FAP: variants seen among roughly 807,000 people sequenced by gnomAD.
The protein encoded by FAP is prolyl endopeptidase FAP.
In FAP, 110 loss-of-function variants were observed where a neutral mutation model predicts 126.5. The ratio of observed to expected loss-of-function variants is 0.87; its 90% CI spans 0.74 to 1.02. The LOEUF is 1.02. Ranked by LOEUF, FAP falls within the 50% of genes least tolerant of loss-of-function variation. FAP has a pLI of 0.00. For missense variants in FAP, 919 were observed against 909.2 expected, an observed-to-expected ratio of 1.01 and a Z score of -0.14; for synonymous variants, 334 against 297.3, an observed-to-expected ratio of 1.12 and a Z score of -1.27.
In FAP at chr2:162,189,101, A is replaced by G; in HGVS notation, c.1619+2T>C. On this transcript the variant is annotated splice_donor_variant, in intron 19 of 25. Transcript: ENST00000188790. LOFTEE classifies it high-confidence loss of function. ...TTTTACACCAAAGAAAATATTACATACACTTGAATTAGCAAGGGATACTTC... is the reference window on the plus strand; with the variant it reads ...TTTTACACCAAAGAAAATATTACATGCACTTGAATTAGCAAGGGATACTTC... 1 of 1,563,510 alleles carries G rather than the reference A, an allele frequency of 6.4e-7. No individual in the cohort carries two copies. The highest frequency in any genetic ancestry group is 8.8e-7 in the Non-Finnish European group (1 of 1,139,486).
At chr2:162,226,478 AC>A (rs1689651931) in intron 3 of FAP, 44 bp downstream of exon 3, 2 of 1,054,630 alleles carry the variant, frequency 1.9e-6, no homozygotes, top group Non-Finnish European at 2.8e-6. Context: ...TAAAAACCAA[AC>A]AAAATACATA....
At chr2:162,214,117 T>G (rs1158966675) in intron 10 of FAP, 44 bp from the exon 11 acceptor site, 2 of 1,598,362 alleles carry the variant, frequency 1.3e-6, no homozygotes, top group East Asian at 4.5e-5. Context: ...ATAAACCAGT[T>G]TCACACACAA....
At chr2:162,225,404 T>G (rs1374584571) in intron 4 of FAP, 79 bp downstream of exon 4, 19 of 1,534,158 alleles carry the variant, frequency 1.2e-5, no homozygotes, top group East Asian at 2.4e-5. Flanking sequence ...GATCAGGTGC[T>G]AAGACTTTGA....
At chr2:162,232,094 A>C (rs1252568910) in intron 2 of FAP, among the ~76,000 whole-genome samples, 1 of 152,136 alleles carries the variant, frequency 6.6e-6, no homozygotes, top group Non-Finnish European at 1.5e-5. Flanking sequence ...AAGTATTAGG[A>C]TGGGAAATAT....
chr2:162,183,347 A>G (rs1559763229), intron 21 of FAP, 67 bp downstream of exon 21: 3 of 1,189,422 alleles, frequency 2.5e-6, no homozygotes, highest in Non-Finnish European at 3.7e-6. Flanking sequence ...AACCTTCTAA[A>G]CGAACACTTC....
chr2:162,227,652 G>A (rs1003982786), intron 2 of FAP, among the ~76,000 whole-genome samples: 5 of 152,064 alleles, frequency 3.3e-5, no homozygotes, highest in Non-Finnish European at 5.9e-5. Context: ...TATAAAACTC[G>A]TAGCCCTCCA....
chr2:162,177,987 C>T (rs1687544520), intron 21 of FAP, among the ~76,000 whole-genome samples: 3 of 152,178 alleles, frequency 2.0e-5, no homozygotes, highest in African/African-American at 4.8e-5. Context: ...AGAGCTGGGA[C>T]TCAAACTCAG....
intron 16 of FAP, chr2:162,198,090 T>C (rs910134291): frequency 1.0e-6 from 1 of 955,944 alleles, no homozygotes; most frequent in African/African-American, 1.8e-5. Context: ...GTAGAAATTA[T>C]TCATTAAATG....
At chr2:162,194,360 T>A (rs1289484068) in intron 17 of FAP, among the ~76,000 whole-genome samples, 1 of 151,398 alleles carries the variant, frequency 6.6e-6, no homozygotes, top group African/African-American at 2.4e-5. Flanking sequence ...CCCTAGGGAT[T>A]CTATTTTGGA....
chr2:162,196,862 T>A (rs1159350879), intron 16 of FAP, among the ~76,000 whole-genome samples: 1 of 152,224 alleles, frequency 6.6e-6, no homozygotes, highest in Non-Finnish European at 1.5e-5. Flanking sequence ...GTATATTTTT[T>A]GCTAAATGGG....
At chr2:162,191,866 C>T (rs1576149404) in intron 17 of FAP, among the ~76,000 whole-genome samples, 1 of 152,098 alleles carries the variant, frequency 6.6e-6, no homozygotes, top group African/African-American at 2.4e-5. Context: ...AAATAAACTT[C>T]CCCCTCTTTG....
intron 12 of FAP, among the ~76,000 whole-genome samples, chr2:162,207,825 C>G (rs1447629614): frequency 1.3e-5 from 2 of 151,790 alleles, no homozygotes; most frequent in Admixed American, 6.6e-5. Context: ...ATTCTCTTGC[C>G]TCAGCCTCCT....
At chr2:162,216,451 T>C (rs972424681) in intron 9 of FAP, among the ~76,000 whole-genome samples, 2 of 152,190 alleles carry the variant, frequency 1.3e-5, no homozygotes, top group Non-Finnish European at 2.9e-5. Context: ...TGCCATATGA[T>C]TTGGTCTAGG....
chr2:162,221,534 A>AC, intron 6 of FAP: 1 of 367,200 alleles, frequency 2.7e-6, no homozygotes, highest in African/African-American at 2.1e-5. Flanking sequence ...CAAAAAAAAA[A>AC]ATAAGAAGAC....
intron 2 of FAP, among the ~76,000 whole-genome samples, chr2:162,242,343 T>G (rs1690387312): frequency 6.6e-6 from 1 of 152,192 alleles, no homozygotes; most frequent in Non-Finnish European, 1.5e-5. Context: ...AATTTATGAC[T>G]GATCAAAATG....
chr2:162,183,567 C>T (rs1264868949), intron 20 of FAP, 99 bp from the exon 21 acceptor site: 8 of 724,844 alleles, frequency 1.1e-5, no homozygotes, highest in Non-Finnish European at 1.9e-5. Flanking sequence ...AATAGAAACG[C>T]TACATTTTCT....
chr2:162,237,000 A>T (rs1380084982), intron 2 of FAP, among the ~76,000 whole-genome samples: 1 of 152,184 alleles, frequency 6.6e-6, no homozygotes, highest in Non-Finnish European at 1.5e-5. Flanking sequence ...TTAAAATTTT[A>T]ATTTTGATAC....
intron 23 of FAP, among the ~76,000 whole-genome samples, 164 bp downstream of exon 23, chr2:162,173,559 T>G (rs775501871): frequency 6.6e-6 from 1 of 151,866 alleles, no homozygotes; most frequent in Non-Finnish European, 1.5e-5. Flanking sequence ...AAGAACAGAA[T>G]CCAAAAGGAG....
chr2:162,186,722 T>A (rs531436769), intron 20 of FAP, among the ~76,000 whole-genome samples: 11 of 152,234 alleles, frequency 7.2e-5, no homozygotes, highest in South Asian at 4.1e-4. Flanking sequence ...CAGGATTACA[T>A]GTCCTTGATG....
Sources: gnomAD v4.1 joint callset for allele counts (sites outside exome capture counted in the v4.1 genomes callset) on GRCh38, gnomAD v4.1.1 for gene constraint, MANE v1.5 for transcripts, NCBI Gene and HGNC (gene_info 2026-07-23, HGNC 2026-07-21) for gene names.